The following ATP10B variants were observed in gnomAD, a reference collection of about 807,000 sequenced individuals.
ATP10B encodes ATPase phospholipid transporting 10B (putative), also known as phospholipid-transporting ATPase VB.
In ATP10B, 122 loss-of-function variants were observed where a neutral mutation model predicts 141.2. The ratio of observed to expected loss-of-function variants is 0.86; its 90% CI spans 0.75 to 1.00. The LOEUF (loss-of-function observed/expected upper bound fraction) is 1.00. ATP10B is among the 50% of genes least tolerant of loss of function. The pLI is 0.00. For synonymous variants in ATP10B, 685 were observed against 692.0 expected (o/e 0.99, Z 0.16); for missense variants, 1,876 against 1,825.3 (o/e 1.03, Z -0.51).
At chr5:160,674,655 C>T (rs1294356540) in intron 6 of ATP10B, among the ~76,000 whole-genome samples, 1 of 151,986 alleles carries the variant, frequency 6.6e-6, no homozygotes, top group African/African-American at 2.4e-5. Flanking sequence ...CAGAGATAGC[C>T]CAGTTCCAGG....
intron 24 of ATP10B, among the ~76,000 whole-genome samples, chr5:160,575,650 A>G (rs534416588): frequency 6.6e-6 from 1 of 152,282 alleles, no homozygotes; most frequent in African/African-American, 2.4e-5. Flanking sequence ...TCATATAACA[A>G]CAACCCACTA....
intron 2 of ATP10B, among the ~76,000 whole-genome samples, chr5:160,727,509 C>CCGGTCAT (rs1416043115): frequency 1.3e-5 from 2 of 152,136 alleles, no homozygotes; most frequent in Non-Finnish European, 2.9e-5. Context: ...TCCCTGGCTT[C>CCGGTCAT]CGGTCATCTC....
chr5:160,674,159 G>A (rs964952823), intron 6 of ATP10B, among the ~76,000 whole-genome samples: 3 of 152,052 alleles, frequency 2.0e-5, no homozygotes, highest in East Asian at 1.9e-4. Context: ...AATCCTGATC[G>A]CCAACCCTCC....
chr5:160,662,116 C>T (rs899181258), intron 7 of ATP10B, among the ~76,000 whole-genome samples: 17 of 152,218 alleles, frequency 1.1e-4, no homozygotes, highest in Non-Finnish European at 1.8e-4. Context: ...TCAAGGAGAA[C>T]TACAAACCAC....
chr5:160,611,798 T>C (rs779092767), intron 18 of ATP10B: 6 of 152,270 alleles, frequency 3.9e-5, no homozygotes, highest in Non-Finnish European at 8.8e-5. Context: ...ATGTCCTCGG[T>C]GTAGGTGCCC....
intron 1 of ATP10B, among the ~76,000 whole-genome samples, chr5:160,823,178 G>C (rs1000134271): frequency 6.6e-6 from 1 of 151,306 alleles, no homozygotes; most frequent in African/African-American, 2.4e-5. Flanking sequence ...ATAAAATGTG[G>C]TACATATACA....
chr5:160,812,950 G>A (rs1244227663), intron 1 of ATP10B, among the ~76,000 whole-genome samples: 1 of 152,158 alleles, frequency 6.6e-6, no homozygotes, highest in African/African-American at 2.4e-5. Flanking sequence ...CTACCTCAAG[G>A]CATTTAATAA....
At chr5:160,578,978 C>A (rs572083034) in intron 24 of ATP10B, among the ~76,000 whole-genome samples, 170 of 152,292 alleles carry the variant, frequency 1.1e-3, no homozygotes, top group African/African-American at 4.0e-3. Context: ...ACATAAATGT[C>A]TTCTTTTGAG....
chr5:160,608,236 A>C (rs1757510464), intron 18 of ATP10B, among the ~76,000 whole-genome samples: 1 of 152,176 alleles, frequency 6.6e-6, no homozygotes, highest in African/African-American at 2.4e-5. Flanking sequence ...AGCTTCATCC[A>C]TGTCGCTACA....
intron 1 of ATP10B, among the ~76,000 whole-genome samples, chr5:160,804,843 T>G (rs559144526): frequency 2.0e-4 from 31 of 152,352 alleles, no homozygotes; most frequent in African/African-American, 7.2e-4. Context: ...GAAGGCTAGT[T>G]GGATTACAGC....
At chr5:160,852,533 C>T (rs961620320), upstream of ATP10B, among the ~76,000 whole-genome samples, 1 of 152,138 alleles carries the variant, frequency 6.6e-6, no homozygotes, top group Non-Finnish European at 1.5e-5. Flanking sequence ...AGACTCTCTA[C>T]AGTGACTTTT....
intron 1 of ATP10B, among the ~76,000 whole-genome samples, chr5:160,809,921 A>G (rs1440478339): frequency 6.6e-6 from 1 of 152,112 alleles, no homozygotes; most frequent in Non-Finnish European, 1.5e-5. Context: ...TTTAGTGACC[A>G]TTTGGCTTTT....
chr5:160,925,731 G>A, the ATP10B span, among the ~76,000 whole-genome samples: 1 of 152,176 alleles, frequency 6.6e-6, no homozygotes, highest in Non-Finnish European at 1.5e-5. Context: ...TTGATTTCAT[G>A]TTCTCCTTTG....
chr5:160,925,736 C>T, the ATP10B span, among the ~76,000 whole-genome samples: 3 of 152,164 alleles, frequency 2.0e-5, no homozygotes, highest in Admixed American at 1.3e-4. Flanking sequence ...TTCATGTTCT[C>T]CTTTGGTAAG....
chr5:160,919,767 C>G, the ATP10B span, among the ~76,000 whole-genome samples: 4 of 152,166 alleles, frequency 2.6e-5, no homozygotes, highest in Non-Finnish European at 4.4e-5. Context: ...TCCGCTAGCT[C>G]TCTTTACACT....
At chr5:160,623,912 A>G (rs1410158260) in intron 13 of ATP10B, among the ~76,000 whole-genome samples, 1 of 152,230 alleles carries the variant, frequency 6.6e-6, no homozygotes, top group Non-Finnish European at 1.5e-5. Flanking sequence ...AAGAGCCTCA[A>G]AAATAGAGAG....
intron 12 of ATP10B, chr5:160,633,149 A>C (rs1759060076): frequency 6.6e-6 from 1 of 152,222 alleles, no homozygotes; most frequent in African/African-American, 2.4e-5. Context: ...CCATTGTGGA[A>C]GACAAAGATT....
the ATP10B span, among the ~76,000 whole-genome samples, chr5:160,907,766 GC>G: frequency 6.6e-6 from 1 of 152,178 alleles, no homozygotes; most frequent in Non-Finnish European, 1.5e-5. Context: ...AATGTCAGCA[GC>G]AAAAAGTGTC....
In ATP10B at chr5:160,632,133, G is replaced by A. The variant is rs778139826; in HGVS notation, c.1616C>T (p.Ser539Phe). 3 of 1,611,502 alleles carry A rather than the reference G, an allele frequency of 1.9e-6. No individual in the cohort carries two copies. The highest frequency in any genetic ancestry group is 2.5e-6 in the Non-Finnish European group (3 of 1,177,932). Reference protein sequence around the residue: ...SSQPPVAFSSSIEKDVTPDKN... With the variant: ...SSQPPVAFSSFIEKDVTPDKN... Reference sequence around the variant, plus strand: ...AAGGCAAAAGTCAGGACTTACTATGGAGCTGCTGAAGGCCACAGGAGGCTG... The same window carrying A: ...AAGGCAAAAGTCAGGACTTACTATGAAGCTGCTGAAGGCCACAGGAGGCTG... The change falls in exon 13 of 26, where the codon TCC becomes TTC. Residue 539 changes from serine (S) to phenylalanine (F), a missense_variant. By Grantham distance (155) the Ser-to-Phe change is radical. Coordinates refer to ENST00000327245, the MANE Select transcript of ATP10B (RefSeq NM_025153.3).
Sources: allele counts gnomAD v4.1 joint callset (sites outside exome capture counted in the v4.1 genomes callset), GRCh38; gene constraint gnomAD v4.1.1; transcripts MANE v1.5; gene names NCBI Gene and HGNC (gene_info 2026-07-23, HGNC 2026-07-21).